SORL1: variants seen among roughly 807,000 people sequenced by gnomAD.
SORL1 encodes sortilin related receptor 1.
A neutral mutation model predicts 273.7 loss-of-function variants in SORL1; 127 were observed. The observed-to-expected ratio is 0.46, with a 90% CI of 0.40 to 0.54. SORL1 has a LOEUF of 0.54. SORL1 is among the 20% of genes least tolerant of loss of function. The pLI, the probability that SORL1 is intolerant of heterozygous loss-of-function variation, is 0.00. For synonymous variants in SORL1, 1,031 were observed against 1,067.4 expected (o/e 0.97, Z 0.66); for missense variants, 2,494 against 2,846.1 (o/e 0.88, Z 2.81).
chr11:121,610,474 A>T (rs1863546547), intron 38 of SORL1: 1 of 152,262 alleles, frequency 6.6e-6, no homozygotes, highest in Non-Finnish European at 1.5e-5. Flanking sequence ...AGAGAGTATC[A>T]GTTGAGTGCT....
chr11:121,589,993 C>T (rs1863184500), intron 29 of SORL1, 47 bp from the exon 30 acceptor site: 1 of 1,603,238 alleles, frequency 6.2e-7, no homozygotes, highest in Non-Finnish European at 8.5e-7. Context: ...GCCCTGTGTT[C>T]ACACTGATGC....
chr11:121,467,482 A>T (rs1270110855), intron 1 of SORL1, among the ~76,000 whole-genome samples: 7 of 152,172 alleles, frequency 4.6e-5, no homozygotes, highest in Non-Finnish European at 1.5e-5. Context: ...ATCTTTGAGG[A>T]TGCCCAAGTT....
rs372975780 is a variant in SORL1, at chr11:121,550,001, T to A, written c.2093T>A (p.Val698Asp). ...FKMSEDLSLE[V>D]CVPDPEFSGK... ...ATGAGTGAAGATTTGTCATTAGAGG[T>A]TTGTGTTCCAGATCCGGAATTTTCT... is the stretch of plus-strand genomic sequence containing the variant. Residue 698 changes from valine to aspartate, a missense_variant, in exon 15 of 48, where the codon GTT becomes GAT. Coordinates refer to ENST00000260197, the MANE Select transcript of SORL1 (RefSeq NM_003105.6). This position sits in a 1 kb window ranked among gnomAD's most constrained non-coding sequence, Gnocchi z 5.3. The A allele has an allele frequency of 6.2e-7, 1 of 1,613,610 alleles. No homozygotes were observed. The highest frequency in any genetic ancestry group is 1.3e-5 in the African/African-American group (1 of 74,864).
Position 121,452,910 on chromosome 11 carries a change from C to T in SORL1, c.285+294C>T. The stretch of plus-strand genomic sequence containing the variant: ...TCCGGCAGGTATAGGAGGGGTGCAG[C>T]TTCATTTTACATCTGGATAAAAAAC... On this transcript the variant is annotated intron_variant, in intron 1 of 47. Coordinates refer to ENST00000260197, the MANE Select transcript of SORL1 (RefSeq NM_003105.6). This position sits in a 1 kb window ranked among gnomAD's most constrained non-coding sequence, Gnocchi z 5.3. 1 of 347,308 alleles carries T rather than the reference C, an allele frequency of 2.9e-6. No homozygotes were observed. The highest frequency in any genetic ancestry group is 4.3e-5 in the East Asian group (1 of 23,190). 21.5% of individuals were successfully genotyped at this position (347,308 alleles called of 1,614,324 possible).
At chr11:121,460,596 C>T (rs981575491) in intron 1 of SORL1, among the ~76,000 whole-genome samples, 1 of 151,994 alleles carries the variant, frequency 6.6e-6, no homozygotes, top group East Asian at 1.9e-4. Context: ...TGAGGTTTCA[C>T]CATATTGGCC....
At chr11:121,569,946 A>G (rs1439470433) in intron 22 of SORL1, among the ~76,000 whole-genome samples, 2 of 152,142 alleles carry the variant, frequency 1.3e-5, no homozygotes, top group Admixed American at 1.3e-4. Context: ...CTCTTTTTTT[A>G]CGCTGTCCCT....
chr11:121,492,497 A>G (rs935426605), intron 5 of SORL1, among the ~76,000 whole-genome samples: 5 of 152,230 alleles, frequency 3.3e-5, no homozygotes, highest in African/African-American at 1.2e-4. Context: ...ACTTTACCAC[A>G]TTCTAATATA....
intron 30 of SORL1, chr11:121,590,737 C>T: frequency 1.5e-6 from 1 of 687,218 alleles, no homozygotes; most frequent in Non-Finnish European, 2.7e-6. Context: ...CCAGCCCCTG[C>T]AAAAGCAAAC....
intron 5 of SORL1, among the ~76,000 whole-genome samples, chr11:121,495,092 T>A (rs540743986): frequency 1.3e-5 from 2 of 152,310 alleles, no homozygotes; most frequent in East Asian, 1.9e-4. Context: ...TCTTTTTTCT[T>A]TGTTTTTTCA....
At chr11:121,589,201 G>T (rs961120013) in intron 28 of SORL1, 58 bp from the exon 29 acceptor site, 20 of 1,601,758 alleles carry the variant, frequency 1.2e-5, no homozygotes, top group Middle Eastern at 1.7e-4. Context: ...CACCACTGCT[G>T]CTTCGACCCC....
At chr11:121,464,301 T>C (rs887172950) in intron 1 of SORL1, among the ~76,000 whole-genome samples, 1 of 152,182 alleles carries the variant, frequency 6.6e-6, no homozygotes, top group Non-Finnish European at 1.5e-5. Flanking sequence ...CCTCAACAAC[T>C]ATACAGATTT....
At chr11:121,555,119 A>G (rs185626292) in intron 17 of SORL1, 68 bp from the exon 18 acceptor site, 3 of 1,513,578 alleles carry the variant, frequency 2.0e-6, no homozygotes, top group East Asian at 4.9e-5. Context: ...GTTACCCTTC[A>G]TGGGACTGAC....
chr11:121,495,257 T>C (rs528657927), intron 5 of SORL1, among the ~76,000 whole-genome samples: 1 of 152,266 alleles, frequency 6.6e-6, no homozygotes, highest in Non-Finnish European at 1.5e-5. Context: ...TTTTTTTAAA[T>C]TTATTTTTTG....
rs779970199 is a variant in SORL1, at chr11:121,625,286, C to T, written c.6364+9C>T. 4.4e-5 allele frequency: 71 copies of T among 1,597,704 alleles called. No homozygotes were observed. Among genetic ancestry groups the T allele is most frequent in the Non-Finnish European group, 5.4e-5 (63 of 1,170,188 alleles). On this transcript the variant is annotated intron_variant, in intron 46 of 47. Transcript: ENST00000260197. ...CGATGAGCTGGGGTCTGGTGAGTTG[C>T]GATTGCTGCCCGTTTCTGTCTTCAG...
At chr11:121,519,777 A>AT (rs1351224451) in intron 8 of SORL1, among the ~76,000 whole-genome samples, 1 of 152,078 alleles carries the variant, frequency 6.6e-6, no homozygotes, top group African/African-American at 2.4e-5. Flanking sequence ...TGACTTAATG[A>AT]TTTCTGTTTT....
intron 12 of SORL1, among the ~76,000 whole-genome samples, chr11:121,537,920 GTGTC>G (rs1862289350): frequency 6.6e-6 from 1 of 152,164 alleles, no homozygotes; most frequent in African/African-American, 2.4e-5. Flanking sequence ...GTTCTCCTGA[GTGTC>G]TGCCATTTCA....
At chr11:121,544,221 C>A (rs1862390591) in intron 13 of SORL1, among the ~76,000 whole-genome samples, 1 of 152,094 alleles carries the variant, frequency 6.6e-6, no homozygotes, top group African/African-American at 2.4e-5. Flanking sequence ...TCTTATCTTA[C>A]CCTTTCCTAC....
At chr11:121,582,225 T>C (rs1279718071) in intron 25 of SORL1, among the ~76,000 whole-genome samples, 1 of 152,218 alleles carries the variant, frequency 6.6e-6, no homozygotes, top group Non-Finnish European at 1.5e-5. Context: ...TAGCCTCAAA[T>C]GCAGTAAAAT....
rs542736050 is a variant in SORL1, at chr11:121,622,319, G to A, written c.6171+51G>A. On this transcript the variant is annotated intron_variant, in intron 45 of 47. Coordinates refer to ENST00000260197, the MANE Select transcript of SORL1 (RefSeq NM_003105.6). Reference sequence around the variant, plus strand: ...ACTTTGGAAATTTAATTGAAATGCTGTTTCAGAGATGAGCTTGTTGACAGC... The same window carrying A: ...ACTTTGGAAATTTAATTGAAATGCTATTTCAGAGATGAGCTTGTTGACAGC... The A allele has an allele frequency of 1.4e-5, 14 of 1,026,004 alleles. No homozygotes were observed. In the South Asian group the frequency reaches 1.7e-4, roughly 13 times the overall value. The allele number at this position is 1,026,004 out of a possible 1,614,324, so 63.6% of individuals were successfully genotyped here.
Sources: gnomAD v4.1 joint callset for allele counts (sites outside exome capture counted in the v4.1 genomes callset) on GRCh38, gnomAD v4.1.1 for gene constraint, Gnocchi (gnomAD v3.1) non-coding constraint, MANE v1.5 for transcripts, NCBI Gene and HGNC (gene_info 2026-07-23, HGNC 2026-07-21) for gene names.